KCNIP4: variants seen among roughly 807,000 people sequenced by gnomAD.
The protein encoded by KCNIP4 is potassium voltage-gated channel interacting protein 4.
A neutral mutation model predicts 34.0 loss-of-function variants in KCNIP4; 12 were observed. The observed-to-expected ratio is 0.35, with a 90% CI of 0.23 to 0.57. The LOEUF is 0.57. Among genes scored for constraint, KCNIP4 ranks in the 20% least tolerant of loss-of-function variants. The pLI, the probability that KCNIP4 is intolerant of heterozygous loss-of-function variation, is 0.83. For synonymous variants in KCNIP4, 124 were observed against 102.2 expected (o/e 1.21, Z -1.29); for missense variants, 238 against 311.7 (o/e 0.76, Z 1.78).
intron 3 of KCNIP4, among the ~76,000 whole-genome samples, chr4:20,844,827 C>G (rs1720172424): frequency 6.6e-6 from 1 of 152,110 alleles, no homozygotes; most frequent in South Asian, 2.1e-4. Context: ...GGTGGAAAAG[C>G]CCCATACAAG....
At chr4:21,012,302 A>G (rs571042347) in intron 1 of KCNIP4, among the ~76,000 whole-genome samples, 2 of 152,312 alleles carry the variant, frequency 1.3e-5, no homozygotes, top group Admixed American at 1.3e-4. Context: ...CAACATGGCC[A>G]GCACAGTGGC....
Position 21,763,451 on chromosome 4 carries a change from T to G in KCNIP4, c.61+185120A>C, listed in dbSNP as rs77287284. ...TGAATAAAAAGAACTGGATAGAATT[T>G]TGAACATGATTCTACTGGCTAATAA... On this transcript the variant is annotated intron_variant, in intron 1 of 8. Transcript: ENST00000382152. Among the ~76,000 whole-genome samples the G allele has an allele frequency of 4.1e-3, 625 of 152,284 alleles. 1 individual carries two copies. The highest frequency in any genetic ancestry group is 5.9e-3 in the Non-Finnish European group (400 of 68,018).
At chr4:21,813,895 T>C (rs1305624982) in intron 1 of KCNIP4, among the ~76,000 whole-genome samples, 1 of 152,136 alleles carries the variant, frequency 6.6e-6, no homozygotes, top group Non-Finnish European at 1.5e-5. Flanking sequence ...TGCATAAAGG[T>C]AGAATCATTC....
At chr4:21,626,153 G>C (rs1479199553) in intron 1 of KCNIP4, among the ~76,000 whole-genome samples, 2 of 152,042 alleles carry the variant, frequency 1.3e-5, no homozygotes, top group African/African-American at 4.8e-5. Context: ...TCCTAGCAGG[G>C]GCTTACTTTG....
chr4:20,873,977 T>C (rs1479538407), intron 2 of KCNIP4, among the ~76,000 whole-genome samples: 3 of 152,194 alleles, frequency 2.0e-5, no homozygotes, highest in Admixed American at 6.6e-5. Context: ...TATTAACTCT[T>C]TGTGAAATGC....
Position 21,535,168 on chromosome 4 carries a change from A to T in KCNIP4, c.61+413403T>A, listed in dbSNP as rs1289811171. Among the ~76,000 whole-genome samples the T allele has an allele frequency of 2.0e-5, 3 of 152,184 alleles. No individual in the cohort carries two copies. In the East Asian group the frequency reaches 5.8e-4, roughly 29 times the overall value. ...ATTAGGCTTAACACAGGCTTAAATT[A>T]GGCTTAAATCAGGCTGACCAAGTTC... is the stretch of plus-strand genomic sequence containing the variant. On this transcript the variant is annotated intron_variant, in intron 1 of 8. Coordinates refer to ENST00000382152, the MANE Select transcript of KCNIP4 (RefSeq NM_025221.6).
At chr4:21,041,230 T>TCACACACA (rs57664737) in intron 1 of KCNIP4, among the ~76,000 whole-genome samples, 2,211 of 144,722 alleles carry the variant, frequency 0.015, 28 homozygotes, top group African/African-American at 0.034. Flanking sequence ...GATATATATT[T>TCACACACA]CACACACACA....
chr4:21,153,521 A>G lies in KCNIP4; in HGVS notation c.62-270812T>C, dbSNP rs1369922416. On this transcript the variant is annotated intron_variant, in intron 1 of 8. Coordinates refer to ENST00000382152, the MANE Select transcript of KCNIP4 (RefSeq NM_025221.6). ...TATATATATATGTGTGTGTGTATAT[A>G]TATATATATATATATATATATGCTT... is the stretch of plus-strand genomic sequence containing the variant. Among the ~76,000 whole-genome samples the G allele has an allele frequency of 9.3e-3, 188 of 20,320 alleles. 2 individuals are homozygous for G. The highest frequency in any genetic ancestry group is 0.024 in the African/African-American group (65 of 2,732). 13.3% of individuals were successfully genotyped at this position (20,320 alleles called of 152,430 possible).
chr4:20,985,715 A>T (rs1736505656), intron 1 of KCNIP4, among the ~76,000 whole-genome samples: 1 of 152,156 alleles, frequency 6.6e-6, no homozygotes, highest in Non-Finnish European at 1.5e-5. Flanking sequence ...AAATACACCA[A>T]CACTTGAACA....
intron 5 of KCNIP4, among the ~76,000 whole-genome samples, chr4:20,738,983 C>T (rs1176021774): frequency 1.3e-5 from 2 of 152,210 alleles, no homozygotes; most frequent in African/African-American, 2.4e-5. Flanking sequence ...CAGAGCCTTG[C>T]TCACTGCTAT....
chr4:20,928,170 T>C (rs1730084418), intron 1 of KCNIP4, among the ~76,000 whole-genome samples: 1 of 152,048 alleles, frequency 6.6e-6, no homozygotes, highest in Middle Eastern at 3.4e-3. Context: ...GTATAATCTA[T>C]AAATTATATT....
intron 1 of KCNIP4, among the ~76,000 whole-genome samples, chr4:21,429,505 G>A (rs975854877): frequency 2.0e-5 from 3 of 152,170 alleles, no homozygotes; most frequent in Admixed American, 6.6e-5. Flanking sequence ...AGGCAAAGGA[G>A]TGTGATTGAT....
intron 1 of KCNIP4, among the ~76,000 whole-genome samples, chr4:21,223,979 A>G (rs1758173320): frequency 6.6e-6 from 1 of 152,108 alleles, no homozygotes. Flanking sequence ...CAGCCGAGGA[A>G]TCTTCTCTAG....
intron 1 of KCNIP4, among the ~76,000 whole-genome samples, chr4:21,095,779 T>C (rs922570228): frequency 6.6e-6 from 1 of 152,164 alleles, no homozygotes; most frequent in Non-Finnish European, 1.5e-5. Flanking sequence ...TACATTTCTG[T>C]CTATGGGGAG....
At chr4:21,653,365 A>G (rs1286985953) in intron 1 of KCNIP4, among the ~76,000 whole-genome samples, 1 of 152,206 alleles carries the variant, frequency 6.6e-6, no homozygotes, top group Non-Finnish European at 1.5e-5. Flanking sequence ...TCACAGGATT[A>G]TTATCAGGAT....
intron 1 of KCNIP4, among the ~76,000 whole-genome samples, chr4:21,860,144 G>GC (rs1553939486): frequency 6.6e-6 from 1 of 151,796 alleles, no homozygotes; most frequent in Non-Finnish European, 1.5e-5. Flanking sequence ...GTTTTGTTTT[G>GC]TTTTTTTGAG....
intron 1 of KCNIP4, among the ~76,000 whole-genome samples, chr4:21,193,608 C>T (rs1755841672): frequency 1.5e-5 from 2 of 130,516 alleles, no homozygotes; most frequent in Non-Finnish European, 3.1e-5. Flanking sequence ...GAGTCTCACT[C>T]TTGGCCAGGC....
chr4:21,415,537 C>T (rs1190911621), intron 1 of KCNIP4, among the ~76,000 whole-genome samples: 2 of 128,452 alleles, frequency 1.6e-5, no homozygotes, highest in East Asian at 2.2e-4. Flanking sequence ...ACTAAAATTA[C>T]AAAAAAAAAA....
chr4:20,922,034 G>A (rs539452855), intron 1 of KCNIP4, among the ~76,000 whole-genome samples: 3 of 152,102 alleles, frequency 2.0e-5, no homozygotes, highest in Admixed American at 1.3e-4. Flanking sequence ...AAAATAAATG[G>A]CAAAAGAAGC....
Sources: allele counts gnomAD v4.1 joint callset (sites outside exome capture counted in the v4.1 genomes callset), GRCh38; gene constraint gnomAD v4.1.1; transcripts MANE v1.5; gene names NCBI Gene and HGNC (gene_info 2026-07-23, HGNC 2026-07-21).